Variants in VWA8 observed in about 807,000 individuals in gnomAD.
The protein encoded by VWA8 is von Willebrand factor A domain-containing protein 8.
VWA8 carries 221 observed loss-of-function variants against 241.5 expected under a neutral mutation model. That is an observed-to-expected ratio of 0.91 (90% confidence interval 0.82 to 1.02). The LOEUF is 1.02. Among genes scored for constraint, VWA8 ranks in the 50% least tolerant of loss-of-function variants. The pLI is 0.00. For missense variants in VWA8, 2,322 were observed against 2,328.7 expected, an observed-to-expected ratio of 1.00 and a Z score of 0.06; for synonymous variants, 852 against 827.1, an observed-to-expected ratio of 1.03 and a Z score of -0.52.
intron 10 of VWA8, among the ~76,000 whole-genome samples, chr13:41,867,825 G>A (rs545382011): frequency 2.0e-5 from 3 of 151,874 alleles, no homozygotes; most frequent in African/African-American, 7.2e-5. Context: ...AACAAGCCTG[G>A]GCAATATAGT....
At chr13:41,666,324 G>A (rs565292274) in intron 37 of VWA8, among the ~76,000 whole-genome samples, 98 of 152,190 alleles carry the variant, frequency 6.4e-4, no homozygotes, top group Middle Eastern at 3.4e-3. Context: ...CACATTTCCT[G>A]AGCTAACATG....
At chr13:41,958,841 T>G (rs1878462141) in intron 1 of VWA8, among the ~76,000 whole-genome samples, 2 of 152,184 alleles carry the variant, frequency 1.3e-5, no homozygotes, top group African/African-American at 4.8e-5. Flanking sequence ...ACTCTCACAT[T>G]TGAAGCAAAG....
At chr13:41,741,440 C>G (rs9525541) in intron 21 of VWA8, among the ~76,000 whole-genome samples, 128,650 of 152,160 alleles carry the variant, frequency 0.85, 55,356 homozygotes, top group East Asian at 1. Flanking sequence ...CAGCTCAAAT[C>G]TCACCTCCTC....
At chr13:41,861,230 T>A (rs1872993352) in intron 12 of VWA8, among the ~76,000 whole-genome samples, 1 of 151,968 alleles carries the variant, frequency 6.6e-6, no homozygotes, top group Admixed American at 6.6e-5. Context: ...AAATCATATA[T>A]GTGGAGAATG....
At position 41,690,236 on chromosome 13, in the gene VWA8, C is replaced by T. The variant is rs776268866; in HGVS notation, c.3906G>A (p.Glu1302=). 4.3e-6 allele frequency: 7 copies of T among 1,612,704 alleles called. No individual in the cohort carries two copies. The Admixed American group carries it at 6.7e-5, about 15-fold the overall frequency. The change falls in exon 33 of 45, where the codon GAG becomes GAA. Residue 1302 remains glutamate (E), a synonymous_variant. Transcript: ENST00000379310. ...LLTKPAHIES[E]GSGVCQLYVL... Reference sequence around the variant, plus strand: ...CATACAACTGGCAAACCCCACTACCCTCAGATTCGATGTGTGCAGGCTTAG... The same window carrying T: ...CATACAACTGGCAAACCCCACTACCTTCAGATTCGATGTGTGCAGGCTTAG...
rs1453689543 is a variant in VWA8, at chr13:41,692,864, CT to C, written c.3672del (p.Ala1225LeufsTer26). ...SKKPFWWNKE[E>X]AETYKMCKEF... Reference sequence around the variant, plus strand: ...GGGACAAATGTGGTGTTTCTTACAGCTTCTTCTTTGTTCCACCAGAAAGGTT... The same window carrying C: ...GGGACAAATGTGGTGTTTCTTACAGCTCTTCTTTGTTCCACCAGAAAGGTT... On this transcript the variant is annotated frameshift_variant, in exon 30 of 45. Transcript: ENST00000379310. LOFTEE classifies it high-confidence loss of function. 1 of 1,607,442 alleles carries C rather than the reference CT, an allele frequency of 6.2e-7. No homozygotes were observed.
At chr13:41,650,958 T>C (rs1314018749) in intron 37 of VWA8, among the ~76,000 whole-genome samples, 1 of 152,078 alleles carries the variant, frequency 6.6e-6, no homozygotes, top group East Asian at 1.9e-4. Context: ...ATTTAAGGGG[T>C]GTGTGGACAC....
chr13:41,910,602 A>C lies in VWA8; in HGVS notation c.372+1436T>G, dbSNP rs529667435. ...CCATCTCAAAAAAAACAAAAAAAAA[A>C]AACAACAACAAAAATGGCTCTAGAT... On this transcript the variant is annotated intron_variant, in intron 3 of 44. Transcript: ENST00000379310. Among the ~76,000 whole-genome samples, 476 of 152,058 alleles carry C rather than the reference A, an allele frequency of 3.1e-3. 4 individuals carry two copies. The highest frequency in any genetic ancestry group is 0.01 in the African/African-American group (424 of 41,482).
At chr13:41,749,276 A>C (rs2045635227) in intron 21 of VWA8, among the ~76,000 whole-genome samples, 1 of 152,270 alleles carries the variant, frequency 6.6e-6, no homozygotes, top group Non-Finnish European at 1.5e-5. Flanking sequence ...ACTGGCCATC[A>C]GAGAAATGCA....
At chr13:41,784,686 A>C (rs1566456133) in intron 18 of VWA8, among the ~76,000 whole-genome samples, 1 of 70,266 alleles carries the variant, frequency 1.4e-5, no homozygotes, top group Non-Finnish European at 2.9e-5. Context: ...CTCTTTATAC[A>C]TATACATATA....
chr13:41,847,794 T>C (rs1872354486), intron 12 of VWA8, among the ~76,000 whole-genome samples: 3 of 152,150 alleles, frequency 2.0e-5, no homozygotes, highest in African/African-American at 7.2e-5. Flanking sequence ...CAGATTCTAA[T>C]CAGGGAAATG....
rs762429668 is a variant in VWA8 at position 41,891,486 on chromosome 13, G to C, written c.585C>G (p.Asn195Lys). The change falls in exon 5 of 45, where the codon AAC (asparagine) becomes AAG (lysine). Residue 195 changes from asparagine (N) to lysine (K), a missense_variant. Physicochemically the swap from Asn to Lys is moderately conservative, Grantham distance 94. Coordinates refer to ENST00000379310, the MANE Select transcript of VWA8 (RefSeq NM_015058.2). ...GTCCATCTTCAAGCTGCATCTCTCTGTTTTCCAGCAAGTTGTTCAAAACAG... is the reference window on the plus strand; with the variant it reads ...GTCCATCTTCAAGCTGCATCTCTCTCTTTTCCAGCAAGTTGTTCAAAACAG... ...VLPVLNNLLENREMQLEDGRF... is the reference protein window; with the variant it reads ...VLPVLNNLLEKREMQLEDGRF... The C allele has an allele frequency of 6.2e-7, 1 of 1,614,194 alleles. No individual in the cohort carries two copies. Among genetic ancestry groups the C allele is most frequent in the Admixed American group, 1.7e-5 (1 of 60,030 alleles).
intron 20 of VWA8, among the ~76,000 whole-genome samples, chr13:41,762,579 A>G (rs1319752014): frequency 6.6e-6 from 1 of 152,116 alleles, no homozygotes; most frequent in Non-Finnish European, 1.5e-5. Flanking sequence ...TCTCACTTCT[A>G]GGTCCATCCT....
chr13:41,683,636 C>A (rs1456710217), intron 35 of VWA8, among the ~76,000 whole-genome samples: 2 of 151,960 alleles, frequency 1.3e-5, no homozygotes, highest in African/African-American at 4.8e-5. Context: ...AAAAACATCA[C>A]CCTGTCTGAT....
chr13:41,684,973 T>C (rs770030805), intron 35 of VWA8, 74 bp downstream of exon 35: 5 of 1,286,220 alleles, frequency 3.9e-6, no homozygotes, highest in Non-Finnish European at 5.5e-6. Flanking sequence ...TAAAGATAAA[T>C]TAAATATCCT....
At chr13:41,724,027 T>C (rs1301318798) in intron 24 of VWA8, among the ~76,000 whole-genome samples, 1 of 152,146 alleles carries the variant, frequency 6.6e-6, no homozygotes, top group African/African-American at 2.4e-5. Context: ...TGAAGAAGTA[T>C]TGTAAGTCAA....
chr13:41,689,169 T>A (rs2045158147), intron 34 of VWA8, among the ~76,000 whole-genome samples, 185 bp downstream of exon 34: 2 of 152,126 alleles, frequency 1.3e-5, no homozygotes, highest in Non-Finnish European at 2.9e-5. Flanking sequence ...AATGTTAATT[T>A]TTGAAGTGTA....
chr13:41,887,696 T>C (rs1188404034), intron 5 of VWA8, among the ~76,000 whole-genome samples: 1 of 152,184 alleles, frequency 6.6e-6, no homozygotes, highest in Non-Finnish European at 1.5e-5. Flanking sequence ...GTAACAAAGG[T>C]AGTCCCCGAC....
At chr13:41,605,719 T>C (rs2044549716) in intron 39 of VWA8, among the ~76,000 whole-genome samples, 1 of 151,622 alleles carries the variant, frequency 6.6e-6, no homozygotes, top group African/African-American at 2.4e-5. Context: ...AGGGTTCCCA[T>C]GGGTTGCTTT....
Sources: gnomAD v4.1 joint callset for allele counts (sites outside exome capture counted in the v4.1 genomes callset) on GRCh38, gnomAD v4.1.1 for gene constraint, MANE v1.5 for transcripts, NCBI Gene and HGNC (gene_info 2026-07-23, HGNC 2026-07-21) for gene names.